The following RAB44 variants were observed in gnomAD, a reference collection of about 807,000 sequenced individuals.
RAB44 encodes the protein ras-related protein Rab-44.
In RAB44, 67 loss-of-function variants were observed where a neutral mutation model predicts 93.3. That is an observed-to-expected ratio of 0.72 (90% CI 0.59 to 0.88). RAB44 has a LOEUF of 0.88. Ranked by LOEUF, RAB44 falls within the 40% of genes least tolerant of loss-of-function variation. RAB44 has a pLI of 0.00. For missense variants in RAB44, 1,064 were observed against 1,261.7 expected (o/e 0.84, Z 2.37); for synonymous variants, 427 against 520.3 (o/e 0.82, Z 2.44).
intron 12 of RAB44, among the ~76,000 whole-genome samples, chr6:36,729,517 C>T (rs1582648428): frequency 6.9e-6 from 1 of 145,076 alleles, no homozygotes; most frequent in East Asian, 2.0e-4. Flanking sequence ...GAATCTTGCT[C>T]TGTCACCCAG....
At chr6:36,724,162 T>C (rs1763175331) in intron 9 of RAB44, among the ~76,000 whole-genome samples, 1 of 151,128 alleles carries the variant, frequency 6.6e-6, no homozygotes, top group African/African-American at 2.4e-5. Flanking sequence ...TTTATTTATT[T>C]ATTTATTTAT....
intron 3 of RAB44, 113 bp downstream of exon 3, chr6:36,714,052 C>T (rs1231788479): frequency 1.3e-5 from 9 of 694,304 alleles, no homozygotes; most frequent in Non-Finnish European, 2.0e-5. Flanking sequence ...GACTTTCACC[C>T]CCCATCCCCG....
rs2150337455 is a variant in RAB44 at position 36,721,594 on chromosome 6, G to T, written c.1460G>T (p.Ser487Ile). 1 of 1,234,484 alleles carries T rather than the reference G, an allele frequency of 8.1e-7. No individual in the cohort carries two copies. Among genetic ancestry groups the T allele is most frequent in the South Asian group, 4.1e-5 (1 of 24,406 alleles). 76.5% of individuals were successfully genotyped at this position (1,234,484 alleles called of 1,614,324 possible). Reference protein sequence around the residue: ...EGRLLWGLSGSLVAPAFKVLI... With the variant: ...EGRLLWGLSGILVAPAFKVLI... ...CGCCTCCTCTGGGGTCTCTCAGGAA[G>T]CCTGGTGGCACCTGCATTCAAAGTG... The change falls in exon 9 of 14, where the codon AGC becomes ATC. Residue 487 changes from serine to isoleucine, a missense_variant. Physicochemically the swap from Ser to Ile is moderately radical, Grantham distance 142. Transcript: ENST00000612677.
At chr6:36,707,149 G>T (rs1264194582) in intron 2 of RAB44, among the ~76,000 whole-genome samples, 2 of 151,982 alleles carry the variant, frequency 1.3e-5, no homozygotes, top group Admixed American at 1.3e-4. Context: ...GTGAAACCCC[G>T]TCTCTACTAA....
At chr6:36,706,831 A>T (rs1312821296) in intron 2 of RAB44, among the ~76,000 whole-genome samples, 1 of 151,144 alleles carries the variant, frequency 6.6e-6, no homozygotes, top group African/African-American at 2.4e-5. Flanking sequence ...GGTTCAAGTG[A>T]TCCTCTCGCC....
intron 1 of RAB44, among the ~76,000 whole-genome samples, chr6:36,702,338 G>GAGAGAGAGAGAGA (rs1201118344): frequency 3.4e-5 from 2 of 58,496 alleles, no homozygotes; most frequent in Non-Finnish European, 6.9e-5. Context: ...GAGAGAGAGA[G>GAGAGAGAGAGAGA]AATGTACTTC....
At chr6:36,711,319 G>A (rs901392687) in intron 2 of RAB44, among the ~76,000 whole-genome samples, 1 of 152,174 alleles carries the variant, frequency 6.6e-6, no homozygotes, top group Non-Finnish European at 1.5e-5. Context: ...AAGTCGAAAT[G>A]AGAAGTATAG....
At position 36,720,383 on chromosome 6, in the gene RAB44, C is replaced by A. The variant is rs1763042040; in HGVS notation, c.849C>A (p.His283Gln). The A allele has an allele frequency of 8.1e-7, 1 of 1,232,432 alleles. No individual in the cohort carries two copies. Among genetic ancestry groups the A allele is most frequent in the Middle Eastern group, 3.1e-4 (1 of 3,230 alleles). 76.3% of individuals were successfully genotyped at this position (1,232,432 alleles called of 1,614,324 possible). The change falls in exon 8 of 14, where the codon CAC (histidine) becomes CAA (glutamine). Residue 283 changes from histidine (H) to glutamine (Q), a missense_variant. Physicochemically the swap from His to Gln is conservative, Grantham distance 24. Coordinates refer to ENST00000612677, the MANE Select transcript of RAB44 (RefSeq NM_001257357.2). ...GQRELEAQLS[H>Q]LRSTHQEAAS... Reference sequence around the variant, plus strand: ...TGCAGCTGGAGGCCCAGCTCTCCCACCTCAGGAGCACACATCAGGAGGCTG... The same window carrying A: ...TGCAGCTGGAGGCCCAGCTCTCCCAACTCAGGAGCACACATCAGGAGGCTG...
rs1048346792 is a variant in RAB44 at position 36,713,884 on chromosome 6, G to C, written c.264G>C (p.Trp88Cys). 65 of 1,536,006 alleles carry C rather than the reference G, an allele frequency of 4.2e-5. No homozygotes were observed. The African/African-American group carries it at 8.2e-4, about 19-fold the overall frequency. ...SKEESEMIFD[W>C]VDVERKGHLS... ...AAGAGTCAGAGATGATCTTCGACTG[G>C]GTGGATGTGGAGCGGAAGGGACACC... is the stretch of plus-strand genomic sequence containing the variant. Residue 88 changes from tryptophan to cysteine, a missense_variant, in exon 3 of 14, where the codon TGG (tryptophan) becomes TGC (cysteine). Physicochemically the swap from Trp to Cys is radical, Grantham distance 215 (BLOSUM62 -2). Coordinates refer to ENST00000612677, the MANE Select transcript of RAB44 (RefSeq NM_001257357.2).
At chr6:36,704,085 C>T (rs367586158) in intron 1 of RAB44, 139 bp from the exon 2 acceptor site, 13 of 742,252 alleles carry the variant, frequency 1.8e-5, no homozygotes, top group African/African-American at 1.1e-4. Flanking sequence ...TCAGAGGACC[C>T]GGCGGGACAC....
At chr6:36,711,059 T>A (rs376385778) in intron 2 of RAB44, among the ~76,000 whole-genome samples, 2 of 152,244 alleles carry the variant, frequency 1.3e-5, no homozygotes, top group African/African-American at 4.8e-5. Context: ...TGTTTCAGTA[T>A]TAAATTTGTT....
rs2150344097 is a variant in RAB44 at position 36,732,127 on chromosome 6, A to G, written c.*34A>G. The G allele has an allele frequency of 2.5e-6, 3 of 1,197,678 alleles. No individual in the cohort carries two copies. Among genetic ancestry groups the G allele is most frequent in the Non-Finnish European group, 3.1e-6 (3 of 954,858 alleles). 74.2% of individuals were successfully genotyped at this position (1,197,678 alleles called of 1,614,324 possible). A position where few individuals can be genotyped will look rare whatever the true frequency, so the allele number is the denominator to read the frequency against. On this transcript the variant is annotated 3_prime_UTR_variant, in exon 14 of 14. Transcript: ENST00000612677. ...CCTGTCCTGGGTAGGATGGACACCC[A>G]TGGGGTTTCCTGTCCCTCAGCTCCT... is the stretch of plus-strand genomic sequence containing the variant.
In RAB44 at chr6:36,717,129, A is replaced by G; in HGVS notation, c.495-144A>G. The G allele has an allele frequency of 1.4e-6, 1 of 731,552 alleles. No homozygotes were observed. The highest frequency in any genetic ancestry group is 1.9e-6 in the Non-Finnish European group (1 of 531,536). 45.3% of individuals were successfully genotyped at this position (731,552 alleles called of 1,614,324 possible). On this transcript the variant is annotated intron_variant, in intron 4 of 13. Coordinates refer to ENST00000612677, the MANE Select transcript of RAB44 (RefSeq NM_001257357.2). This position sits in a 1 kb window ranked among gnomAD's most constrained non-coding sequence, Gnocchi z 4.1. ...CTGGAGGAGGTGGCGTTTTAGTTGC[A>G]TCTTGTAGGGTGTCAATAGATTTGG...
intron 1 of RAB44, among the ~76,000 whole-genome samples, chr6:36,702,770 AT>A (rs769910145): frequency 9.9e-5 from 15 of 152,176 alleles, no homozygotes; most frequent in Non-Finnish European, 1.9e-4. Context: ...CTCAGACTTT[AT>A]CCCTTTCAAA....
chr6:36,698,462 G>A (rs1018415529), intron 1 of RAB44, among the ~76,000 whole-genome samples: 1 of 152,182 alleles, frequency 6.6e-6, no homozygotes, highest in Non-Finnish European at 1.5e-5. Flanking sequence ...GGCAGCCTGT[G>A]GTGCCTGCTG....
chr6:36,721,814 T>C lies in RAB44; in HGVS notation c.1680T>C (p.Thr560=), dbSNP rs2150337708. The C allele has an allele frequency of 2.4e-6, 3 of 1,234,448 alleles. No homozygotes were observed. The African/African-American group carries it at 4.6e-5, about 19-fold the overall frequency. 76.5% of individuals were successfully genotyped at this position (1,234,448 alleles called of 1,614,324 possible). A position where few individuals can be genotyped will look rare whatever the true frequency, so the allele number is the denominator to read the frequency against. Residue 560 remains threonine (T), a synonymous_variant, in exon 9 of 14, where the codon ACT becomes ACC. Coordinates refer to ENST00000612677, the MANE Select transcript of RAB44 (RefSeq NM_001257357.2). ...QEPTQTPPTM[T]ERETQPGPSP... ...CCACACAAACCCCTCCCACCATGAC[T>C]GAGCGGGAAACCCAGCCCGGACCCT...
intron 7 of RAB44, among the ~76,000 whole-genome samples, chr6:36,719,352 C>G (rs561856950): frequency 6.6e-6 from 1 of 152,312 alleles, no homozygotes; most frequent in East Asian, 1.9e-4. Context: ...GAGGCAGGCC[C>G]CTCCTGCCAA....
At chr6:36,718,878 G>A (rs751434229) in intron 7 of RAB44, among the ~76,000 whole-genome samples, 36 of 151,682 alleles carry the variant, frequency 2.4e-4, no homozygotes, top group Non-Finnish European at 4.4e-4. Flanking sequence ...AGGTGGCACT[G>A]TGGTTGAGTG....
rs974561875 is a variant in RAB44, at chr6:36,722,500, C to T, written c.2366C>T (p.Pro789Leu). Reference sequence around the variant, plus strand: ...ACTGCTCACGCAGAAGAACAAGGCCCGCCTCACTCCAGGGAACCAAGGGCA... The same window carrying T: ...ACTGCTCACGCAGAAGAACAAGGCCTGCCTCACTCCAGGGAACCAAGGGCA... ...LTTAHAEEQG[P>L]PHSREPRAES... Residue 789 changes from proline to leucine, a missense_variant, in exon 9 of 14, where the codon CCG becomes CTG. Coordinates refer to ENST00000612677, the MANE Select transcript of RAB44 (RefSeq NM_001257357.2). The T allele has an allele frequency of 1.6e-5, 24 of 1,495,072 alleles. No homozygotes were observed. The highest frequency in any genetic ancestry group is 7.4e-5 in the East Asian group (3 of 40,534). 92.6% of individuals were successfully genotyped at this position (1,495,072 alleles called of 1,614,324 possible).
Sources: gnomAD v4.1 joint callset for allele counts (sites outside exome capture counted in the v4.1 genomes callset) on GRCh38, gnomAD v4.1.1 for gene constraint, Gnocchi (gnomAD v3.1) non-coding constraint, MANE v1.5 for transcripts, NCBI Gene and HGNC (gene_info 2026-07-23, HGNC 2026-07-21) for gene names.